The following ITGAD variants were observed in gnomAD, a reference collection of about 807,000 sequenced individuals.
ITGAD encodes integrin alpha-D.
Under a neutral mutation model 139.0 loss-of-function variants are expected in ITGAD, and 105 were observed. The observed-to-expected ratio is 0.76, with a 90% CI of 0.65 to 0.89. The LOEUF is 0.89. Ranked by LOEUF, ITGAD falls within the 40% of genes least tolerant of loss-of-function variation. ITGAD has a pLI of 0.00. For synonymous variants in ITGAD, 569 were observed against 598.3 expected (o/e 0.95, Z 0.71); for missense variants, 1,384 against 1,487.3 (o/e 0.93, Z 1.14).
At chr16:31,414,026 G>T (rs540422080) in intron 16 of ITGAD, among the ~76,000 whole-genome samples, 3 of 152,248 alleles carry the variant, frequency 2.0e-5, no homozygotes, top group Admixed American at 6.5e-5. Flanking sequence ...TATCTATCTA[G>T]CTAGCTAATC....
At chr16:31,413,394 C>T (rs573223097) in intron 16 of ITGAD, 148 bp downstream of exon 16, 1 of 839,668 alleles carries the variant, frequency 1.2e-6, no homozygotes, top group Admixed American at 2.8e-5. Flanking sequence ...TCTCTCCCCT[C>T]TTCCTCACAC....
chr16:31,399,843 T>C (rs761808647), intron 5 of ITGAD, among the ~76,000 whole-genome samples: 3 of 152,128 alleles, frequency 2.0e-5, no homozygotes, highest in African/African-American at 7.2e-5. Flanking sequence ...CCTTATTGCA[T>C]CCTCACAACA....
chr16:31,398,580 C>G (rs2081330622), intron 5 of ITGAD, among the ~76,000 whole-genome samples: 1 of 152,102 alleles, frequency 6.6e-6, no homozygotes, highest in Non-Finnish European at 1.5e-5. Flanking sequence ...CTCCTGGGCT[C>G]AAGTGATCCT....
intron 23 of ITGAD, among the ~76,000 whole-genome samples, chr16:31,421,872 G>C (rs1381315991): frequency 6.6e-6 from 1 of 152,130 alleles, no homozygotes; most frequent in East Asian, 1.9e-4. Context: ...GGCTGTTTCT[G>C]TGTGGCTGGT....
At chr16:31,417,999 G>A (rs937605229) in intron 20 of ITGAD, 76 bp from the exon 21 acceptor site, 2 of 1,124,520 alleles carry the variant, frequency 1.8e-6, no homozygotes, top group African/African-American at 1.5e-5. Context: ...CTAGTGCTCT[G>A]CAGTGCCACC....
In ITGAD at chr16:31,403,261, G is replaced by A. The variant is rs2081450663; in HGVS notation, c.559-239G>A. On this transcript the variant is annotated intron_variant, in intron 6 of 29. Coordinates refer to ENST00000389202, the MANE Select transcript of ITGAD (RefSeq NM_005353.3). This position sits in a 1 kb window ranked among gnomAD's most constrained non-coding sequence, Gnocchi z 4.4. ...GGCTGAGGTGGGAGTATTGCTTGAG[G>A]CCAAGAGTTCGAGACCAGCCTGGGC... 2 of 440,558 alleles carry A rather than the reference G, an allele frequency of 4.5e-6. No homozygotes were observed. Among genetic ancestry groups the A allele is most frequent in the Admixed American group, 7.6e-5 (2 of 26,304 alleles). 27.3% of individuals were successfully genotyped at this position (440,558 alleles called of 1,614,324 possible).
At chr16:31,425,557 T>G (rs74972074) in intron 29 of ITGAD, among the ~76,000 whole-genome samples, 39,669 of 152,152 alleles carry the variant, frequency 0.26, 5,617 homozygotes, top group South Asian at 0.36. Context: ...ATAAATGTTC[T>G]CGCACACAAA....
chr16:31,407,724 G>C, intron 8 of ITGAD, 42 bp from the exon 9 acceptor site: 1 of 1,613,454 alleles, frequency 6.2e-7, no homozygotes, highest in Non-Finnish European at 8.5e-7. Context: ...TTCAGGTGCA[G>C]TGCTGCTGGG....
rs780104077 is a variant in ITGAD at position 31,411,504 on chromosome 16, C to A, written c.1694C>A (p.Pro565His). 6.2e-6 allele frequency: 10 copies of A among 1,613,996 alleles called. No individual in the cohort carries two copies. Among genetic ancestry groups the A allele is most frequent in the Non-Finnish European group, 8.5e-7 (1 of 1,180,004 alleles). ...GGAGCCTCAGAATCCGGCATCAGCC[C>A]CTCCCACAGCCAGGTGAGGCCCGTC... ...FHGASESGIS[P>H]SHSQRIASSQ... Residue 565 changes from proline (P) to histidine (H), a missense_variant, in exon 14 of 30, where the codon CCC (proline) becomes CAC (histidine). By Grantham distance (77) the Pro-to-His change is moderately conservative. Coordinates refer to ENST00000389202, the MANE Select transcript of ITGAD (RefSeq NM_005353.3).
At chr16:31,407,956 C>T (rs1196592800) in intron 9 of ITGAD, 40 bp downstream of exon 9, 4 of 1,532,786 alleles carry the variant, frequency 2.6e-6, no homozygotes, top group Non-Finnish European at 3.5e-6. Context: ...CCAAGGGGTC[C>T]CCACCCAATT....
At chr16:31,425,686 CTTCT>C (rs1394666973) in intron 29 of ITGAD, among the ~76,000 whole-genome samples, 9 of 149,170 alleles carry the variant, frequency 6.0e-5, no homozygotes, top group Non-Finnish European at 1.0e-4. Flanking sequence ...TTTTCTTCTT[CTTCT>C]TTTTTTTTTT....
intron 5 of ITGAD, 104 bp from the exon 6 acceptor site, chr16:31,402,011 A>G: frequency 7.5e-7 from 1 of 1,333,474 alleles, no homozygotes; most frequent in Non-Finnish European, 1.0e-6. Context: ...GTCGGAAACT[A>G]GGTGGGGATG....
chr16:31,394,912 C>T (rs938838259), intron 2 of ITGAD, among the ~76,000 whole-genome samples: 2 of 152,182 alleles, frequency 1.3e-5, no homozygotes, highest in Non-Finnish European at 2.9e-5. Context: ...CTCCTGGGCT[C>T]AAGCAATCCT....
rs75167259 is a variant in ITGAD, at chr16:31,402,080, C to A, written c.428-35C>A. ...GCTGCAGGAGGGGGTTGGGCCCCCG[C>A]AGTGCATCTCCGATTCCTCCCCATT... On this transcript the variant is annotated intron_variant, in intron 5 of 29. Transcript: ENST00000389202. 7.6e-3 allele frequency: 12,198 copies of A among 1,604,698 alleles called. 692 individuals carry two copies. The African/African-American group carries it at 0.13, about 17-fold the overall frequency.
chr16:31,413,344 T>A (rs920453164), intron 16 of ITGAD, 98 bp downstream of exon 16: 2 of 1,288,808 alleles, frequency 1.6e-6, no homozygotes, highest in Middle Eastern at 2.3e-4. Context: ...CAATCTTACC[T>A]CCACATTCAC....
Position 31,418,489 on chromosome 16 carries a change from A to G in ITGAD, c.2705A>G (p.Asn902Ser). 1 of 1,613,816 alleles carries G rather than the reference A, an allele frequency of 6.2e-7. No individual in the cohort carries two copies. ...LMRASASSEN[N>S]KASSSKATFQ... ...CTCCTTTCTGTCTCCAGTGAGAACA[A>G]TAAGGCTTCAAGCAGCAAGGCCACC... is the stretch of plus-strand genomic sequence containing the variant. Residue 902 changes from asparagine to serine, a missense_variant, in exon 23 of 30, where the codon AAT becomes AGT. Asn to Ser is a conservative substitution (Grantham distance 46). Transcript: ENST00000389202.
intron 1 of ITGAD, among the ~76,000 whole-genome samples, chr16:31,394,023 T>G (rs1355530694): frequency 6.8e-6 from 1 of 147,588 alleles, no homozygotes; most frequent in East Asian, 2.0e-4. Flanking sequence ...CCCAGCTACT[T>G]GGGAAGCTGA....
At chr16:31,416,468 G>A in intron 19 of ITGAD, 37 bp from the exon 20 acceptor site, 3 of 1,593,060 alleles carry the variant, frequency 1.9e-6, no homozygotes, top group Admixed American at 3.4e-5. Flanking sequence ...CCTATTTCCA[G>A]TGGAGCGCCA....
intron 17 of ITGAD, 82 bp downstream of exon 17, chr16:31,414,687 G>A: frequency 1.9e-6 from 3 of 1,584,656 alleles, no homozygotes; most frequent in South Asian, 1.1e-5. Context: ...TGCTGAGCGA[G>A]GTGGGAAGGG....
Sources: gnomAD v4.1 joint callset for allele counts (sites outside exome capture counted in the v4.1 genomes callset) on GRCh38, gnomAD v4.1.1 for gene constraint, Gnocchi (gnomAD v3.1) non-coding constraint, MANE v1.5 for transcripts, NCBI Gene and HGNC (gene_info 2026-07-23, HGNC 2026-07-21) for gene names.